The following KIF15 variants were observed in gnomAD, a reference collection of about 807,000 sequenced individuals.
KIF15 encodes kinesin family member 15.
KIF15 carries 140 observed loss-of-function variants against 190.6 expected under a neutral mutation model. That is an observed-to-expected ratio of 0.73 (90% CI 0.64 to 0.84). The LOEUF (loss-of-function observed/expected upper bound fraction) is 0.84, where lower values mean the gene tolerates loss of function less well. Among genes scored for constraint, KIF15 ranks in the 40% least tolerant of loss-of-function variants. The probability of loss-of-function intolerance (pLI) is 0.00; values close to 1 mark genes in which losing one functional copy is unlikely to be tolerated. For missense variants in KIF15, 1,372 were observed against 1,584.4 expected, an observed-to-expected ratio of 0.87 and a Z score of 2.28; for synonymous variants, 528 against 551.3, an observed-to-expected ratio of 0.96 and a Z score of 0.59.
chr3:44,766,795 T>TTTTC (rs1168888670), intron 1 of KIF15, among the ~76,000 whole-genome samples: 55 of 150,518 alleles, frequency 3.7e-4, no homozygotes, highest in African/African-American at 1.2e-3. Context: ...TTTTCTTTTC[T>TTTTC]TTTCTTTCTT....
intron 8 of KIF15, among the ~76,000 whole-genome samples, chr3:44,796,567 C>A (rs1167748407): frequency 6.6e-6 from 1 of 152,176 alleles, no homozygotes; most frequent in Non-Finnish European, 1.5e-5. Context: ...ATGCCACTAA[C>A]CACCTTTCTG....
chr3:44,819,100 C>A (rs1708151631), intron 20 of KIF15, among the ~76,000 whole-genome samples: 1 of 152,052 alleles, frequency 6.6e-6, no homozygotes, highest in African/African-American at 2.4e-5. Context: ...TCCCCTTTAT[C>A]ATTTTTTATT....
At chr3:44,793,772 G>C (rs999783079) in intron 7 of KIF15, among the ~76,000 whole-genome samples, 1 of 151,876 alleles carries the variant, frequency 6.6e-6, no homozygotes, top group African/African-American at 2.4e-5. Context: ...CCCTATGAAA[G>C]TAGATAATTA....
Position 44,848,039 on chromosome 3 carries a change from CA to C in KIF15, c.3753del (p.Glu1252LysfsTer8). On this transcript the variant is annotated frameshift_variant, in exon 31 of 35. Transcript: ENST00000326047. LOFTEE classifies it high-confidence loss of function. The part of the protein sequence containing the change: ...QLKNEQEESI[K>X]ERLAKSKIVE... ...TGAAGAATGAACAAGAAGAAAGTAT[CA>C]AAGAAAGACTTGCAAAAGTAAGATT... The C allele has an allele frequency of 6.2e-7, 1 of 1,607,706 alleles. No homozygotes were observed. The highest frequency in any genetic ancestry group is 8.5e-7 in the Non-Finnish European group (1 of 1,175,394).
rs2125926807 is a variant in KIF15, at chr3:44,794,209, T to C, written c.640-8T>C. On this transcript the variant is annotated splice_region_variant and splice_polypyrimidine_tract_variant and intron_variant, in intron 7 of 34. Transcript: ENST00000326047. The stretch of plus-strand genomic sequence containing the variant: ...TCATTTCTTTTAATATGTTTTCCTT[T>C]TGCATAGGTGTTGTCTGGAGGATGG... The C allele has an allele frequency of 6.2e-7, 1 of 1,607,774 alleles. No individual in the cohort carries two copies. Among genetic ancestry groups the C allele is most frequent in the East Asian group, 2.2e-5 (1 of 44,796 alleles).
In KIF15 at chr3:44,865,332, C is replaced by T. The variant is rs2125740686; in HGVS notation, c.*60-7997C>T. 3.0e-6 allele frequency: 3 copies of T among 1,001,922 alleles called. No individual in the cohort carries two copies. The East Asian group carries it at 7.8e-5, about 26-fold the overall frequency. The allele number at this position is 1,001,922 out of a possible 1,614,324, so 62.1% of individuals were successfully genotyped here. On this transcript the variant is annotated intron_variant and NMD_transcript_variant, in intron 6 of 6. Coordinates refer to the KIF15 transcript ENST00000422209. Reference sequence around the variant, plus strand: ...GCCTCTGATGGAGCAGGCTCTGGCTCTGTAAGGAGAGGTGCAGCTGCAGCA... The same window carrying T: ...GCCTCTGATGGAGCAGGCTCTGGCTTTGTAAGGAGAGGTGCAGCTGCAGCA...
chr3:44,774,293 T>C (rs1705768789), intron 1 of KIF15, 102 bp from the exon 2 acceptor site: 3 of 931,406 alleles, frequency 3.2e-6, no homozygotes, highest in Non-Finnish European at 5.1e-6. Flanking sequence ...GTCAGGGATC[T>C]GAGGAGGCTG....
Position 44,767,649 on chromosome 3 carries a change from A to C in KIF15, c.19+5765A>C, listed in dbSNP as rs180754208. ...GGTGGCTCACGCCTGTAATCCCAGC[A>C]CTTTGGGAGGCCGAGGCGGGTGGAT... is the stretch of plus-strand genomic sequence containing the variant. On this transcript the variant is annotated intron_variant, in intron 1 of 34. Transcript: ENST00000326047. 2.0e-5 allele frequency among the ~76,000 whole-genome samples: 3 copies of C among 151,814 alleles called. No homozygotes were observed. In the East Asian group the frequency reaches 5.8e-4, roughly 30 times the overall value.
intron 32 of KIF15, among the ~76,000 whole-genome samples, chr3:44,849,096 CACAA>C (rs1698971099): frequency 6.6e-6 from 1 of 152,198 alleles, no homozygotes; most frequent in African/African-American, 2.4e-5. Context: ...TTGGCATTAA[CACAA>C]ACAAAACAAC....
downstream of KIF15, among the ~76,000 whole-genome samples, chr3:44,855,794 A>G (rs570919042): frequency 6.6e-6 from 1 of 152,284 alleles, no homozygotes; most frequent in South Asian, 2.1e-4. Context: ...AGAAGGAGAA[A>G]AACAGATATT....
chr3:44,785,803 A>C (rs1424064767), intron 6 of KIF15, among the ~76,000 whole-genome samples: 2 of 152,232 alleles, frequency 1.3e-5, no homozygotes, highest in Non-Finnish European at 2.9e-5. Context: ...ACAGACAAAA[A>C]TGGAATTTCC....
At chr3:44,792,304 T>C (rs1575599307) in intron 7 of KIF15, among the ~76,000 whole-genome samples, 7 of 151,868 alleles carry the variant, frequency 4.6e-5, no homozygotes, top group Admixed American at 6.6e-5. Context: ...GATGAAACCC[T>C]GTCTCTATTA....
chr3:44,833,332 A>T (rs575753383), intron 26 of KIF15, among the ~76,000 whole-genome samples: 1 of 152,178 alleles, frequency 6.6e-6, no homozygotes, highest in East Asian at 1.9e-4. Flanking sequence ...TTTACTGTGT[A>T]CTTTATTTCT....
At chr3:44,839,140 G>A (rs2125711470) in intron 27 of KIF15, among the ~76,000 whole-genome samples, 1 of 152,266 alleles carries the variant, frequency 6.6e-6, no homozygotes, top group East Asian at 1.9e-4. Context: ...GGAGGCCAAG[G>A]TGGGTGGATC....
chr3:44,764,276 G>C (rs965862903), intron 1 of KIF15, among the ~76,000 whole-genome samples: 6 of 152,128 alleles, frequency 3.9e-5, no homozygotes, highest in Non-Finnish European at 8.8e-5. Flanking sequence ...ATAACTACCT[G>C]ATCCCCAACC....
chr3:44,849,075 A>T (rs1208698768), intron 32 of KIF15, among the ~76,000 whole-genome samples: 1 of 152,230 alleles, frequency 6.6e-6, no homozygotes, highest in African/African-American at 2.4e-5. Flanking sequence ...AATTCAAACT[A>T]AGTAAGCTGG....
intron 6 of KIF15, chr3:44,861,820 A>G (rs1227773176): frequency 4.7e-6 from 6 of 1,279,406 alleles, no homozygotes; most frequent in African/African-American, 1.6e-5. Context: ...GGCCTGCCGG[A>G]GCGTGGCGTC....
chr3:44,761,871 A>T lies in KIF15; in HGVS notation c.6A>T (p.Ala2=). 6.2e-7 allele frequency: 1 copy of T among 1,614,088 alleles called. No individual in the cohort carries two copies. Among genetic ancestry groups the T allele is most frequent in the Non-Finnish European group, 8.5e-7 (1 of 1,180,016 alleles). ...GATCGAGGGGTGAGGGCGCTATGGCACCCGGCTGCAAAAGTAAGTCTGGGC... is the reference window on the plus strand; with the variant it reads ...GATCGAGGGGTGAGGGCGCTATGGCTCCCGGCTGCAAAAGTAAGTCTGGGC... M[A]PGCKTELRSV... Residue 2 remains alanine (A), a synonymous_variant, in exon 1 of 35, where the codon GCA becomes GCT. Coordinates refer to ENST00000326047, the MANE Select transcript of KIF15 (RefSeq NM_020242.3).
At chr3:44,776,605 C>G (rs931190502) in intron 3 of KIF15, among the ~76,000 whole-genome samples, 6 of 152,004 alleles carry the variant, frequency 3.9e-5, no homozygotes, top group African/African-American at 1.5e-4. Context: ...TTTTTGGAGC[C>G]AGTGGATGAT....
Sources: gnomAD v4.1 joint callset for allele counts (sites outside exome capture counted in the v4.1 genomes callset) on GRCh38, gnomAD v4.1.1 for gene constraint, MANE v1.5 for transcripts, NCBI Gene and HGNC (gene_info 2026-07-23, HGNC 2026-07-21) for gene names.